Variants in ARHGEF7 observed in about 807,000 individuals in gnomAD.
The protein encoded by ARHGEF7 is Rho guanine nucleotide exchange factor 7, also known as PAK-interacting exchange factor beta.
ARHGEF7 carries 33 observed loss-of-function variants against 109.8 expected under a neutral mutation model. The ratio of observed to expected loss-of-function variants is 0.30; its 90% CI spans 0.23 to 0.40. The LOEUF (loss-of-function observed/expected upper bound fraction) is 0.40, where lower values mean the gene tolerates loss of function less well. Among genes scored for constraint, ARHGEF7 ranks in the 10% least tolerant of loss-of-function variants. The probability of loss-of-function intolerance (pLI) is 1.00; values close to 1 mark genes in which losing one functional copy is unlikely to be tolerated. For synonymous variants in ARHGEF7, 458 were observed against 424.6 expected, an observed-to-expected ratio of 1.08 and a Z score of -0.97; for missense variants, 938 against 1,098.5, an observed-to-expected ratio of 0.85 and a Z score of 2.07.
intron 8 of ARHGEF7, among the ~76,000 whole-genome samples, chr13:111,252,471 A>G (rs2153561006): frequency 6.6e-6 from 1 of 152,360 alleles, no homozygotes; most frequent in African/African-American, 2.4e-5. Context: ...TACAGAAGAC[A>G]TTACATGTTT....
intron 8 of ARHGEF7, among the ~76,000 whole-genome samples, chr13:111,248,027 T>A (rs1264916553): frequency 1.3e-5 from 2 of 152,224 alleles, no homozygotes; most frequent in Non-Finnish European, 2.9e-5. Context: ...GAAGTTTCTA[T>A]CTGGTGTCAT....
At chr13:111,159,200 G>A (rs948303895) in intron 2 of ARHGEF7, 13 of 638,928 alleles carry the variant, frequency 2.0e-5, no homozygotes, top group Admixed American at 1.8e-4. Context: ...CATTGTTGTT[G>A]CAAATAACAG....
intron 5 of ARHGEF7, among the ~76,000 whole-genome samples, chr13:111,227,876 C>G (rs557036324): frequency 3.3e-5 from 5 of 152,354 alleles, no homozygotes; most frequent in African/African-American, 9.6e-5. Flanking sequence ...TCTCTATCCT[C>G]CCACATTCTG....
In ARHGEF7 at chr13:111,304,257, G is replaced by C. The variant is rs2093619501; in HGVS notation, c.*1144G>C. The C allele has an allele frequency of 6.6e-6, 1 of 152,272 alleles. No homozygotes were observed. Among genetic ancestry groups the C allele is most frequent in the African/African-American group, 2.4e-5 (1 of 41,466 alleles). The allele number at this position is 152,272 out of a possible 1,614,324, so 9.4% of individuals were successfully genotyped here. Reference sequence around the variant, plus strand: ...TGTGTTCCAGTGCAGAGGAGACGAAGCCTGTCCTCACCGCGGCTCGCTGGG... The same window carrying C: ...TGTGTTCCAGTGCAGAGGAGACGAACCCTGTCCTCACCGCGGCTCGCTGGG... On this transcript the variant is annotated 3_prime_UTR_variant, in exon 22 of 22. Coordinates refer to ENST00000646102, the MANE Select transcript of ARHGEF7 (RefSeq NM_001354046.2).
intron 2 of ARHGEF7, among the ~76,000 whole-genome samples, chr13:111,174,192 GAC>G (rs1273006150): frequency 1.3e-5 from 2 of 152,196 alleles, no homozygotes; most frequent in African/African-American, 4.8e-5. Flanking sequence ...ATTTTATAGA[GAC>G]TGCTGAGATA....
intron 2 of ARHGEF7, among the ~76,000 whole-genome samples, chr13:111,173,351 A>G (rs1327078268): frequency 1.3e-5 from 2 of 152,220 alleles, no homozygotes; most frequent in East Asian, 3.8e-4. Flanking sequence ...AAAGTCTTCC[A>G]GTCACTTTTA....
At chr13:111,298,840 G>A (rs905202366) in intron 19 of ARHGEF7, among the ~76,000 whole-genome samples, 8 of 152,176 alleles carry the variant, frequency 5.3e-5, no homozygotes, top group African/African-American at 1.2e-4. Flanking sequence ...AGGGAGGGTC[G>A]CCTTTGAAGG....
chr13:111,159,616 T>C (rs1323862134), intron 2 of ARHGEF7, among the ~76,000 whole-genome samples: 1 of 152,236 alleles, frequency 6.6e-6, no homozygotes, highest in Non-Finnish European at 1.5e-5. Context: ...GAATGTGCAT[T>C]TCTCTGATCA....
At chr13:111,176,397 C>G (rs1296303741) in intron 2 of ARHGEF7, among the ~76,000 whole-genome samples, 1 of 152,234 alleles carries the variant, frequency 6.6e-6, no homozygotes, top group Non-Finnish European at 1.5e-5. Context: ...TGCCTCTCCC[C>G]CTCTGGCATC....
At chr13:111,294,144 T>C in intron 19 of ARHGEF7, 1 of 985,372 alleles carries the variant, frequency 1.0e-6, no homozygotes, top group Non-Finnish European at 1.2e-6. Flanking sequence ...TTTATGTATG[T>C]TCAGCCAGAT....
intron 8 of ARHGEF7, among the ~76,000 whole-genome samples, chr13:111,262,995 A>G (rs1319588553): frequency 2.0e-5 from 3 of 152,222 alleles, no homozygotes; most frequent in African/African-American, 4.8e-5. Context: ...TCTGCATGTT[A>G]TCACACTCTG....
At chr13:111,256,687 C>G (rs916005006) in intron 8 of ARHGEF7, among the ~76,000 whole-genome samples, 4 of 152,206 alleles carry the variant, frequency 2.6e-5, no homozygotes, top group African/African-American at 7.2e-5. Context: ...TTTTAGAAAC[C>G]TTTAGTGTAT....
chr13:111,216,270 T>G (rs540576715), intron 4 of ARHGEF7, among the ~76,000 whole-genome samples: 1 of 152,044 alleles, frequency 6.6e-6, no homozygotes, highest in Non-Finnish European at 1.5e-5. Context: ...GACTGAGTGT[T>G]GCTGGATGGG....
intron 19 of ARHGEF7, 63 bp downstream of exon 19, chr13:111,292,357 A>G (rs750336173): frequency 6.3e-7 from 1 of 1,598,720 alleles, no homozygotes; most frequent in African/African-American, 1.3e-5. Flanking sequence ...TTTCTTAACA[A>G]ATGCTTGTTG....
At chr13:111,124,884 C>T (rs370731966) in intron 1 of ARHGEF7, among the ~76,000 whole-genome samples, 2 of 152,292 alleles carry the variant, frequency 1.3e-5, no homozygotes, top group South Asian at 2.1e-4. Context: ...CCCCGCCTCT[C>T]GAGTAGCTGA....
intron 2 of ARHGEF7, among the ~76,000 whole-genome samples, chr13:111,181,087 T>C (rs2078687309): frequency 6.6e-6 from 1 of 152,256 alleles, no homozygotes; most frequent in Non-Finnish European, 1.5e-5. Flanking sequence ...TTGTATTTGC[T>C]AATTGTTTAT....
intron 16 of ARHGEF7, among the ~76,000 whole-genome samples, chr13:111,285,582 C>CT (rs1361657674): frequency 1.3e-5 from 2 of 152,224 alleles, no homozygotes; most frequent in South Asian, 2.1e-4. Context: ...CATGTGGCCC[C>CT]TGCACAGCAG....
intron 2 of ARHGEF7, among the ~76,000 whole-genome samples, chr13:111,189,652 G>C (rs537403518): frequency 1.8e-3 from 280 of 152,236 alleles, no homozygotes; most frequent in Middle Eastern, 3.4e-3. Context: ...CTGCTGGCTC[G>C]GGTGGCCAGC....
intron 2 of ARHGEF7, among the ~76,000 whole-genome samples, chr13:111,180,130 C>G (rs2078595545): frequency 6.6e-6 from 1 of 152,228 alleles, no homozygotes; most frequent in African/African-American, 2.4e-5. Context: ...GGGCCTCAGG[C>G]TCCTGTTGGC....
Sources: allele counts gnomAD v4.1 joint callset (sites outside exome capture counted in the v4.1 genomes callset), GRCh38; gene constraint gnomAD v4.1.1; transcripts MANE v1.5; gene names NCBI Gene and HGNC (gene_info 2026-07-23, HGNC 2026-07-21).